CLVS2: variants seen among roughly 807,000 people sequenced by gnomAD.
The protein encoded by CLVS2 is clavesin 2, also known as clavesin-2.
A neutral mutation model predicts 29.0 loss-of-function variants in CLVS2; 19 were observed. The observed-to-expected ratio is 0.66, with a 90% CI of 0.46 to 0.96. The LOEUF (loss-of-function observed/expected upper bound fraction) is 0.96, where lower values mean the gene tolerates loss of function less well. Among genes scored for constraint, CLVS2 ranks in the 40% least tolerant of loss-of-function variants. The probability of loss-of-function intolerance (pLI) is 0.00; values close to 1 mark genes in which losing one functional copy is unlikely to be tolerated. For missense variants in CLVS2, 294 were observed against 404.1 expected (o/e 0.73, Z 2.34); for synonymous variants, 161 against 151.3 (o/e 1.06, Z -0.47).
At chr6:123,038,270 A>G (rs1775182282) in intron 3 of CLVS2, among the ~76,000 whole-genome samples, 1 of 152,198 alleles carries the variant, frequency 6.6e-6, no homozygotes, top group Non-Finnish European at 1.5e-5. Flanking sequence ...TTAACACCTT[A>G]TGGAAGTTAT....
In CLVS2 at chr6:123,065,347, G is replaced by T. The variant is rs1413084959; in HGVS notation, c.*1586G>T. ...GAAACCAACAAAAATAAAGGCATGT[G>T]TCAGCCTTCATATTTTTTGGCCAAA... On this transcript the variant is annotated 3_prime_UTR_variant, in exon 6 of 6. Transcript: ENST00000275162. The T allele has an allele frequency of 6.6e-6, 1 of 151,820 alleles. No homozygotes were observed. The highest frequency in any genetic ancestry group is 1.5e-5 in the Non-Finnish European group (1 of 67,808). 9.4% of individuals were successfully genotyped at this position (151,820 alleles called of 1,614,324 possible).
chr6:123,025,705 A>T (rs972032477), intron 3 of CLVS2, among the ~76,000 whole-genome samples: 1 of 152,146 alleles, frequency 6.6e-6, no homozygotes, highest in Non-Finnish European at 1.5e-5. Context: ...AGTAAACATA[A>T]TGTGATAGGT....
intron 3 of CLVS2, among the ~76,000 whole-genome samples, chr6:123,016,680 A>G (rs1326197520): frequency 6.6e-6 from 1 of 152,080 alleles, no homozygotes; most frequent in Admixed American, 6.6e-5. Context: ...TAAGACTCAG[A>G]TGTATGGCCA....
chr6:123,027,416 C>A (rs778682461), intron 3 of CLVS2, among the ~76,000 whole-genome samples: 1 of 152,122 alleles, frequency 6.6e-6, no homozygotes, highest in Admixed American at 6.6e-5. Context: ...GCAGGCCAAG[C>A]GATAATTCAA....
intron 3 of CLVS2, among the ~76,000 whole-genome samples, chr6:123,043,231 G>C (rs1562171988): frequency 6.6e-6 from 1 of 152,102 alleles, no homozygotes; most frequent in Non-Finnish European, 1.5e-5. Context: ...AAGATTCTTA[G>C]AGTATTGTGT....
At position 123,021,457 on chromosome 6, in the gene CLVS2, A is replaced by AT. The variant is rs926085848; in HGVS notation, c.564+10306dup. Among the ~76,000 whole-genome samples, 12 of 151,608 alleles carry AT rather than the reference A, an allele frequency of 7.9e-5. No homozygotes were observed. In the South Asian group the frequency reaches 1.3e-3, roughly 16 times the overall value. Reference sequence around the variant, plus strand: ...AAAAAAATTATTATTTTTTCCTCTGATTTTTTTTGGTGTTTCTATAGCATG... The same window carrying AT: ...AAAAAAATTATTATTTTTTCCTCTGATTTTTTTTTGGTGTTTCTATAGCATG... On this transcript the variant is annotated intron_variant, in intron 3 of 5. Transcript: ENST00000275162.
Position 123,067,253 on chromosome 6 carries a change from C to T in CLVS2, c.*3492C>T, listed in dbSNP as rs1346182086. On this transcript the variant is annotated 3_prime_UTR_variant, in exon 6 of 6. Transcript: ENST00000275162. ...GGGAAAAGAGGTCCCTCTATTGCAT[C>T]AAGAAATTGGAGAGTTGTTTTAGAC... 1 of 151,596 alleles carries T rather than the reference C, an allele frequency of 6.6e-6. No homozygotes were observed. The highest frequency in any genetic ancestry group is 2.4e-5 in the African/African-American group (1 of 41,364). 9.4% of individuals were successfully genotyped at this position (151,596 alleles called of 1,614,324 possible). A position where few individuals can be genotyped will look rare whatever the true frequency, so the allele number is the denominator to read the frequency against.
intron 3 of CLVS2, among the ~76,000 whole-genome samples, chr6:123,024,743 T>C (rs1031328433): frequency 1.3e-5 from 2 of 152,134 alleles, no homozygotes; most frequent in Admixed American, 1.3e-4. Flanking sequence ...GAAATAATAC[T>C]GGCCAAGTTG....
In CLVS2 at chr6:123,070,350, C is replaced by T. The variant is rs2114380399; in HGVS notation, c.*6589C>T. 6.6e-6 allele frequency: 1 copy of T among 152,082 alleles called. No homozygotes were observed. The highest frequency in any genetic ancestry group is 3.4e-3 in the Middle Eastern group (1 of 294). The allele number at this position is 152,082 out of a possible 1,614,324, so 9.4% of individuals were successfully genotyped here. A position where few individuals can be genotyped will look rare whatever the true frequency, so the allele number is the denominator to read the frequency against. On this transcript the variant is annotated 3_prime_UTR_variant, in exon 6 of 6. Coordinates refer to ENST00000275162, the MANE Select transcript of CLVS2 (RefSeq NM_001010852.4). The stretch of plus-strand genomic sequence containing the variant: ...CCTTCCTCTTTTTCTTTCAAAACTA[C>T]ATCACATCAGCTAGCTCATGCTGTT...
chr6:123,000,935 T>A (rs2114294863), intron 2 of CLVS2, among the ~76,000 whole-genome samples: 2 of 152,336 alleles, frequency 1.3e-5, no homozygotes, highest in Middle Eastern at 6.8e-3. Flanking sequence ...GAAAACAGGT[T>A]ATTTATAATT....
In CLVS2 at chr6:123,068,603, A is replaced by G. The variant is rs1772896686; in HGVS notation, c.*4842A>G. 1 of 151,752 alleles carries G rather than the reference A, an allele frequency of 6.6e-6. No homozygotes were observed. Among genetic ancestry groups the G allele is most frequent in the Non-Finnish European group, 1.5e-5 (1 of 67,716 alleles). The allele number at this position is 151,752 out of a possible 1,614,324, so 9.4% of individuals were successfully genotyped here. A position where few individuals can be genotyped will look rare whatever the true frequency, so the allele number is the denominator to read the frequency against. ...TGCTTAAACAATAAATAAAACTCAG[A>G]AAACCAAATAGTTTTTGTTTTCAAA... On this transcript the variant is annotated 3_prime_UTR_variant, in exon 6 of 6. Coordinates refer to ENST00000275162, the MANE Select transcript of CLVS2 (RefSeq NM_001010852.4).
intron 3 of CLVS2, among the ~76,000 whole-genome samples, chr6:123,018,081 C>G (rs1427193394): frequency 1.3e-5 from 2 of 152,018 alleles, no homozygotes; most frequent in African/African-American, 4.8e-5. Flanking sequence ...GAAAATAACA[C>G]TTTTTGGTCT....
chr6:123,066,369 C>A lies in CLVS2; in HGVS notation c.*2608C>A, dbSNP rs1316867732. 6.6e-6 allele frequency: 1 copy of A among 151,876 alleles called. No individual in the cohort carries two copies. The highest frequency in any genetic ancestry group is 2.4e-5 in the African/African-American group (1 of 41,378). 9.4% of individuals were successfully genotyped at this position (151,876 alleles called of 1,614,324 possible). ...TCTCTCTCTCTCTCATACACACACA[C>A]ACACACACTCTTACACACACACTAA... On this transcript the variant is annotated 3_prime_UTR_variant, in exon 6 of 6. Transcript: ENST00000275162.
chr6:123,024,775 A>T (rs1284821361), intron 3 of CLVS2, among the ~76,000 whole-genome samples: 1 of 152,156 alleles, frequency 6.6e-6, no homozygotes, highest in Admixed American at 6.6e-5. Flanking sequence ...CATCAGAAGT[A>T]TGTTGGGTGC....
At chr6:123,021,580 T>C (rs1235080961) in intron 3 of CLVS2, among the ~76,000 whole-genome samples, 1 of 152,104 alleles carries the variant, frequency 6.6e-6, no homozygotes, top group Non-Finnish European at 1.5e-5. Flanking sequence ...TTTGAGACCA[T>C]TGTATTATAG....
At chr6:123,057,606 A>C (rs1258782891) in intron 5 of CLVS2, among the ~76,000 whole-genome samples, 1 of 151,860 alleles carries the variant, frequency 6.6e-6, no homozygotes, top group African/African-American at 2.4e-5. Flanking sequence ...GGCCTCCAAA[A>C]TACTGGGATT....
intron 3 of CLVS2, among the ~76,000 whole-genome samples, chr6:123,036,164 A>T (rs953478379): frequency 6.6e-6 from 1 of 152,190 alleles, no homozygotes; most frequent in African/African-American, 2.4e-5. Context: ...CACTCCCATG[A>T]ACTGCATGAT....
At chr6:123,058,209 C>T (rs112135728) in intron 5 of CLVS2, among the ~76,000 whole-genome samples, 1,634 of 152,186 alleles carry the variant, frequency 0.011, 10 homozygotes, top group Non-Finnish European at 0.016. Context: ...GCATCCTCAA[C>T]GTTAGGTAGT....
At chr6:123,008,613 C>G (rs1299880114) in intron 2 of CLVS2, among the ~76,000 whole-genome samples, 2 of 151,946 alleles carry the variant, frequency 1.3e-5, no homozygotes, top group Admixed American at 6.6e-5. Flanking sequence ...ATGAGGGAAA[C>G]CTTTGAAGTT....
Sources: allele counts gnomAD v4.1 joint callset (sites outside exome capture counted in the v4.1 genomes callset), GRCh38; gene constraint gnomAD v4.1.1; transcripts MANE v1.5; gene names NCBI Gene and HGNC (gene_info 2026-07-23, HGNC 2026-07-21).